ZPBP: variants seen among roughly 807,000 people sequenced by gnomAD.
ZPBP encodes zona pellucida binding protein, also known as zona pellucida-binding protein 1.
A neutral mutation model predicts 44.8 loss-of-function variants in ZPBP; 26 were observed. The ratio of observed to expected loss-of-function variants is 0.58; its 90% CI spans 0.43 to 0.81. ZPBP has a LOEUF of 0.81. ZPBP is among the 30% of genes least tolerant of loss of function. ZPBP has a pLI of 0.00. For missense variants in ZPBP, 409 were observed against 434.0 expected, an observed-to-expected ratio of 0.94 and a Z score of 0.51; for synonymous variants, 174 against 153.2, an observed-to-expected ratio of 1.14 and a Z score of -1.00.
intron 7 of ZPBP, among the ~76,000 whole-genome samples, chr7:49,958,947 T>A (rs1323932195): frequency 6.6e-6 from 1 of 152,102 alleles, no homozygotes; most frequent in Non-Finnish European, 1.5e-5. Flanking sequence ...GAAAAAGGTA[T>A]AAATATTAAC....
intron 2 of ZPBP, among the ~76,000 whole-genome samples, chr7:49,857,954 C>T (rs1288081505): frequency 2.6e-5 from 4 of 152,176 alleles, no homozygotes; most frequent in African/African-American, 9.7e-5. Flanking sequence ...TGAGACCACA[C>T]AGGCTTTCCC....
At chr7:49,873,977 G>A (rs1791289715) in intron 2 of ZPBP, among the ~76,000 whole-genome samples, 1 of 151,378 alleles carries the variant, frequency 6.6e-6, no homozygotes, top group African/African-American at 2.4e-5. Context: ...CAAATTCAAA[G>A]AAAACCAATG....
intron 6 of ZPBP, among the ~76,000 whole-genome samples, chr7:50,012,287 T>C (rs1399980499): frequency 6.6e-6 from 1 of 152,106 alleles, no homozygotes; most frequent in Non-Finnish European, 1.5e-5. Flanking sequence ...GTACTTCAGA[T>C]ATAATTACTT....
chr7:50,023,038 AC>A (rs766324015), intron 5 of ZPBP, among the ~76,000 whole-genome samples: 124 of 152,186 alleles, frequency 8.1e-4, no homozygotes, highest in African/African-American at 9.6e-4. Flanking sequence ...AAAAGTAACC[AC>A]TTAGAAGTAA....
chr7:49,989,395 T>G lies in ZPBP; in HGVS notation c.784-5876A>C, dbSNP rs1008493830. 9.2e-5 allele frequency among the ~76,000 whole-genome samples: 14 copies of G among 152,212 alleles called. 1 individual carries two copies. The highest frequency in any genetic ancestry group is 5.2e-4 in the Admixed American group (8 of 15,276). On this transcript the variant is annotated intron_variant, in intron 6 of 7. Transcript: ENST00000046087. ...GAGGGTACAAACCCATGGCTGGGCTTGGCTTTAGAAAGTCCTATCTGAGAT... is the reference window on the plus strand; with the variant it reads ...GAGGGTACAAACCCATGGCTGGGCTGGGCTTTAGAAAGTCCTATCTGAGAT...
At chr7:49,999,845 G>A (rs1177359949) in intron 6 of ZPBP, among the ~76,000 whole-genome samples, 4 of 152,068 alleles carry the variant, frequency 2.6e-5, no homozygotes, top group African/African-American at 4.8e-5. Flanking sequence ...CAGAAATAAT[G>A]GTGTACCAGC....
chr7:49,980,254 A>T (rs1396687903), intron 7 of ZPBP, among the ~76,000 whole-genome samples: 1 of 125,436 alleles, frequency 8.0e-6, no homozygotes, highest in East Asian at 2.1e-4. Flanking sequence ...TAAATATATA[A>T]TACATATAAT....
chr7:49,866,105 C>T (rs994559865), intron 2 of ZPBP, among the ~76,000 whole-genome samples: 5 of 152,198 alleles, frequency 3.3e-5, no homozygotes, highest in African/African-American at 1.2e-4. Context: ...TTCCATCCAG[C>T]AAGTCCTGGC....
intron 2 of ZPBP, among the ~76,000 whole-genome samples, chr7:49,854,429 A>G (rs1168473969): frequency 6.6e-6 from 1 of 151,956 alleles, no homozygotes; most frequent in Admixed American, 6.5e-5. Flanking sequence ...ATGGTATCTC[A>G]TTGTGGTTTT....
At chr7:50,000,409 T>C (rs1253193680) in intron 6 of ZPBP, among the ~76,000 whole-genome samples, 2 of 152,180 alleles carry the variant, frequency 1.3e-5, no homozygotes, top group African/African-American at 2.4e-5. Flanking sequence ...TTTAAAGAAT[T>C]TTTTGATGAC....
chr7:50,062,627 C>T (rs1206627030), intron 3 of ZPBP, among the ~76,000 whole-genome samples: 1 of 152,098 alleles, frequency 6.6e-6, no homozygotes, highest in Non-Finnish European at 1.5e-5. Context: ...GCCACGTGCA[C>T]AAGATTGAAA....
chr7:50,074,586 G>A (rs1435369640), intron 3 of ZPBP, among the ~76,000 whole-genome samples: 1 of 151,860 alleles, frequency 6.6e-6, no homozygotes, highest in Non-Finnish European at 1.5e-5. Context: ...GATACTTCAT[G>A]CCAATGGAGA....
At chr7:50,078,747 A>G (rs1441321911) in intron 3 of ZPBP, among the ~76,000 whole-genome samples, 2 of 151,660 alleles carry the variant, frequency 1.3e-5, no homozygotes, top group African/African-American at 4.8e-5. Flanking sequence ...CTGCATAGTA[A>G]AAGAAACTAT....
intron 2 of ZPBP, among the ~76,000 whole-genome samples, chr7:49,851,915 C>T (rs1790195042): frequency 1.3e-5 from 2 of 152,166 alleles, no homozygotes; most frequent in South Asian, 4.2e-4. Context: ...ACACCCACAA[C>T]ACTGGATCTC....
chr7:49,877,897 G>A (rs1190130498), intron 2 of ZPBP, among the ~76,000 whole-genome samples: 1 of 151,974 alleles, frequency 6.6e-6, no homozygotes, highest in Non-Finnish European at 1.5e-5. Context: ...CCTTGCATCT[G>A]GGCAAAATGT....
chr7:49,929,450 G>T (rs1479670124), intron 1 of ZPBP, among the ~76,000 whole-genome samples: 1 of 152,134 alleles, frequency 6.6e-6, no homozygotes, highest in Non-Finnish European at 1.5e-5. Flanking sequence ...AAAGTGAAAT[G>T]AAATATAGTG....
At chr7:49,879,001 G>A (rs896792031) in intron 2 of ZPBP, among the ~76,000 whole-genome samples, 5 of 152,140 alleles carry the variant, frequency 3.3e-5, no homozygotes, top group Admixed American at 3.3e-4. Context: ...TTATGTCACT[G>A]TGTATTCTCC....
At chr7:49,913,468 G>T (rs1226731845) in intron 1 of ZPBP, 2 of 152,104 alleles carry the variant, frequency 1.3e-5, no homozygotes, top group Admixed American at 6.6e-5. Context: ...GATAAAAAAA[G>T]CAAAACTATA....
intron 4 of ZPBP, among the ~76,000 whole-genome samples, chr7:50,039,109 T>C (rs1337024205): frequency 6.6e-6 from 1 of 152,148 alleles, no homozygotes; most frequent in Non-Finnish European, 1.5e-5. Context: ...AGTGACCAGA[T>C]GTGGGATTTA....
Sources: gnomAD v4.1 joint callset for allele counts (sites outside exome capture counted in the v4.1 genomes callset) on GRCh38, gnomAD v4.1.1 for gene constraint, MANE v1.5 for transcripts, NCBI Gene and HGNC (gene_info 2026-07-23, HGNC 2026-07-21) for gene names.